Variants in CTNNA2 observed in about 807,000 individuals in gnomAD.
The protein encoded by CTNNA2 is catenin alpha 2, also known as catenin alpha-2.
In CTNNA2, 42 loss-of-function variants were observed where a neutral mutation model predicts 101.0. The ratio of observed to expected loss-of-function variants is 0.42; its 90% confidence interval spans 0.32 to 0.54. CTNNA2 has a LOEUF of 0.54. CTNNA2 is among the 20% of genes least tolerant of loss of function. The pLI is 0.14. For missense variants in CTNNA2, 871 were observed against 1,223.1 expected (o/e 0.71, Z 4.29); for synonymous variants, 450 against 456.4 (o/e 0.99, Z 0.18).
intron 7 of CTNNA2, among the ~76,000 whole-genome samples, chr2:80,346,262 C>T (rs1672725557): frequency 6.6e-6 from 1 of 152,200 alleles, no homozygotes; most frequent in Non-Finnish European, 1.5e-5. Flanking sequence ...GTTCTGCAGG[C>T]TGTACAGGAA....
At chr2:79,589,724 C>G (rs11896020) in intron 1 of CTNNA2, among the ~76,000 whole-genome samples, 7,064 of 151,282 alleles carry the variant, frequency 0.047, 243 homozygotes, top group African/African-American at 0.09. Flanking sequence ...TTTTCCCCCC[C>G]CCGAGACACG....
chr2:79,679,651 G>C (rs188996372), intron 2 of CTNNA2, among the ~76,000 whole-genome samples: 1 of 152,042 alleles, frequency 6.6e-6, no homozygotes, highest in African/African-American at 2.4e-5. Context: ...TAGGGTGAAC[G>C]TTTGTCGCAT....
intron 4 of CTNNA2, among the ~76,000 whole-genome samples, chr2:79,473,488 T>A (rs1671022853): frequency 6.6e-6 from 1 of 151,518 alleles, no homozygotes; most frequent in African/African-American, 2.4e-5. Context: ...ACAAAACAAA[T>A]ACAATCTTGA....
intron 1 of CTNNA2, among the ~76,000 whole-genome samples, chr2:79,585,356 C>T (rs1203659225): frequency 3.9e-5 from 6 of 151,966 alleles, no homozygotes; most frequent in Non-Finnish European, 4.4e-5. Context: ...CCTTGTTTAA[C>T]TGTATTGGAT....
chr2:79,302,385 C>T (rs1410478539), intron 2 of CTNNA2, among the ~76,000 whole-genome samples: 1 of 152,090 alleles, frequency 6.6e-6, no homozygotes, highest in Non-Finnish European at 1.5e-5. Context: ...CAGCTCTGTT[C>T]ACTTATAAAA....
At chr2:80,312,280 A>G (rs1436823655) in intron 7 of CTNNA2, among the ~76,000 whole-genome samples, 1 of 152,206 alleles carries the variant, frequency 6.6e-6, no homozygotes, top group Non-Finnish European at 1.5e-5. Flanking sequence ...CCTATTGGCT[A>G]GGGTTGGACC....
At chr2:80,525,833 G>A (rs1165627666) in intron 9 of CTNNA2, among the ~76,000 whole-genome samples, 2 of 152,118 alleles carry the variant, frequency 1.3e-5, no homozygotes, top group African/African-American at 4.8e-5. Context: ...GATTGCATAA[G>A]GTGCAATACG....
chr2:80,337,748 A>T (rs1671880073), intron 7 of CTNNA2, among the ~76,000 whole-genome samples: 1 of 152,124 alleles, frequency 6.6e-6, no homozygotes, highest in African/African-American at 2.4e-5. Flanking sequence ...GGGAATGCGC[A>T]CCCAACAACT....
rs534392574 is a variant in CTNNA2 at position 80,302,363 on chromosome 2, T to C, written c.1057-90848T>C. The C allele has an allele frequency of 6.2e-7, 1 of 1,614,234 alleles. No homozygotes were observed. The highest frequency in any genetic ancestry group is 1.1e-5 in the South Asian group (1 of 91,092). The stretch of plus-strand genomic sequence containing the variant: ...CGGTTTGTAATCAACGTAGTATTCC[T>C]GGGCAGACATGGCAGCCATCTGATG... On this transcript the variant is annotated intron_variant, in intron 7 of 18. Coordinates refer to ENST00000402739, the MANE Select transcript of CTNNA2 (RefSeq NM_001282597.3). The surrounding 1 kb of genome is among the most constrained non-coding windows in gnomAD (Gnocchi z 6.4).
intron 1 of CTNNA2, among the ~76,000 whole-genome samples, chr2:79,598,373 T>C (rs940174992): frequency 4.6e-5 from 7 of 152,236 alleles, no homozygotes; most frequent in Non-Finnish European, 7.3e-5. Context: ...TTTAGTGTTG[T>C]AAGAAACTAC....
In CTNNA2 at chr2:79,330,708, C is replaced by G. The variant is rs557837415; in HGVS notation, c.-318+17912C>G. On this transcript the variant is annotated intron_variant, in intron 3 of 21. Coordinates refer to the CTNNA2 transcript ENST00000466387. ...AGTGAATAACTAAGTCTCAAGAGATCTGATGGTCTTATAAAGGGGAGTTCC... is the reference window on the plus strand; with the variant it reads ...AGTGAATAACTAAGTCTCAAGAGATGTGATGGTCTTATAAAGGGGAGTTCC... Among the ~76,000 whole-genome samples the G allele has an allele frequency of 2.7e-4, 41 of 152,266 alleles. No homozygotes were observed. In the South Asian group the frequency reaches 8.5e-3, roughly 32 times the overall value.
At position 80,302,734 on chromosome 2, in the gene CTNNA2, C is replaced by T. The variant is rs748233120; in HGVS notation, c.1057-90477C>T. The T allele has an allele frequency of 5.0e-6, 8 of 1,613,126 alleles. No homozygotes were observed. The highest frequency in any genetic ancestry group is 5.9e-6 in the Non-Finnish European group (7 of 1,179,890). ...TGGTGGGCTCGGCCCCATCCTCGCACAGGTGGAAGGCGTACACGGCGTCCA... is the reference window on the plus strand; with the variant it reads ...TGGTGGGCTCGGCCCCATCCTCGCATAGGTGGAAGGCGTACACGGCGTCCA... On this transcript the variant is annotated intron_variant, in intron 7 of 18. Transcript: ENST00000402739. The surrounding 1 kb of genome is among the most constrained non-coding windows in gnomAD (Gnocchi z 6.4).
chr2:79,637,456 A>G (rs1680150600), intron 1 of CTNNA2, among the ~76,000 whole-genome samples: 1 of 152,182 alleles, frequency 6.6e-6, no homozygotes, highest in Admixed American at 6.5e-5. Context: ...TCACCTTAGA[A>G]TGATTATGGC....
chr2:79,723,120 C>G (rs951103277), intron 2 of CTNNA2, among the ~76,000 whole-genome samples: 2 of 152,050 alleles, frequency 1.3e-5, no homozygotes, highest in African/African-American at 4.8e-5. Context: ...AAGTTTTCTG[C>G]CTAAGAAACA....
intron 9 of CTNNA2, among the ~76,000 whole-genome samples, chr2:80,422,942 G>A (rs1005072561): frequency 3.3e-5 from 5 of 151,884 alleles, no homozygotes; most frequent in Non-Finnish European, 1.5e-5. Context: ...TTGTTAATTT[G>A]CCTTCTAGGA....
intron 4 of CTNNA2, among the ~76,000 whole-genome samples, chr2:79,471,576 C>T (rs1573181978): frequency 6.6e-6 from 1 of 152,118 alleles, no homozygotes; most frequent in South Asian, 2.1e-4. Context: ...CAGTGGCTCA[C>T]GCCTGCAATC....
chr2:80,357,181 C>T (rs1471275536), intron 7 of CTNNA2, among the ~76,000 whole-genome samples: 3 of 146,284 alleles, frequency 2.1e-5, no homozygotes, highest in Non-Finnish European at 4.4e-5. Context: ...CCACAGATCC[C>T]TGAAGGCTTA....
chr2:79,642,708 A>G (rs527696507), intron 1 of CTNNA2, among the ~76,000 whole-genome samples: 9 of 152,090 alleles, frequency 5.9e-5, no homozygotes, highest in Admixed American at 4.6e-4. Flanking sequence ...GGCAGAGTGT[A>G]TTCTGGTGGG....
intron 2 of CTNNA2, among the ~76,000 whole-genome samples, chr2:79,214,691 A>C (rs1466739094): frequency 2.6e-5 from 4 of 152,002 alleles, no homozygotes; most frequent in Admixed American, 2.6e-4. Flanking sequence ...GGAAGACGCA[A>C]AGGAGGCTTT....
Sources: gnomAD v4.1 joint callset for allele counts (sites outside exome capture counted in the v4.1 genomes callset) on GRCh38, gnomAD v4.1.1 for gene constraint, Gnocchi (gnomAD v3.1) non-coding constraint, MANE v1.5 for transcripts, NCBI Gene and HGNC (gene_info 2026-07-23, HGNC 2026-07-21) for gene names.